SYNE2: variants seen among roughly 807,000 people sequenced by gnomAD.
SYNE2 encodes nesprin-2.
A neutral mutation model predicts 856.3 loss-of-function variants in SYNE2; 431 were observed. The ratio of observed to expected loss-of-function variants is 0.50; its 90% CI spans 0.47 to 0.55. The LOEUF is 0.55. SYNE2 is among the 20% of genes least tolerant of loss of function. The pLI is 0.00. For missense variants in SYNE2, 8,129 were observed against 8,023.2 expected, an observed-to-expected ratio of 1.01 and a Z score of -0.50; for synonymous variants, 2,923 against 2,872.3, an observed-to-expected ratio of 1.02 and a Z score of -0.56.
intron 112 of SYNE2, among the ~76,000 whole-genome samples, chr14:64,222,908 T>G (rs1424600722): frequency 6.6e-6 from 1 of 152,200 alleles, no homozygotes; most frequent in Non-Finnish European, 1.5e-5. Context: ...GGACCTGGTC[T>G]TCCCACACCA....
chr14:63,778,660 A>G (rs1435122673), intron 1 of SYNE2, among the ~76,000 whole-genome samples: 7 of 152,108 alleles, frequency 4.6e-5, no homozygotes, highest in Non-Finnish European at 5.9e-5. Context: ...GACTACAGGC[A>G]TGCACCACCA....
chr14:63,918,770 C>A (rs992113839), intron 2 of SYNE2, among the ~76,000 whole-genome samples: 1 of 152,184 alleles, frequency 6.6e-6, no homozygotes, highest in Admixed American at 6.5e-5. Context: ...ATCTTTACTG[C>A]ACAATTTCAT....
At chr14:64,060,685 A>G (rs1434838352) in intron 49 of SYNE2, among the ~76,000 whole-genome samples, 2 of 151,612 alleles carry the variant, frequency 1.3e-5, no homozygotes, top group Non-Finnish European at 1.5e-5. Context: ...CAACAAGTCC[A>G]CTGGCTCTGA....
At chr14:63,911,196 T>G (rs1335524638) in intron 2 of SYNE2, among the ~76,000 whole-genome samples, 1 of 152,108 alleles carries the variant, frequency 6.6e-6, no homozygotes, top group East Asian at 1.9e-4. Flanking sequence ...TCAGATTGTT[T>G]CCCTTGTAGC....
intron 1 of SYNE2, among the ~76,000 whole-genome samples, chr14:63,810,014 G>C (rs968482952): frequency 1.3e-5 from 2 of 152,026 alleles, no homozygotes; most frequent in African/African-American, 4.8e-5. Flanking sequence ...CTTAAGGCCA[G>C]GGTTCAAAAT....
intron 1 of SYNE2, among the ~76,000 whole-genome samples, chr14:63,880,307 G>T (rs1595394352): frequency 6.6e-6 from 1 of 152,206 alleles, no homozygotes; most frequent in Admixed American, 6.5e-5. Context: ...GGCCAGGGTG[G>T]TCTTGAACTC....
chr14:64,127,250 G>A (rs2153673348), intron 73 of SYNE2, among the ~76,000 whole-genome samples: 1 of 151,284 alleles, frequency 6.6e-6, no homozygotes, highest in Non-Finnish European at 1.5e-5. Context: ...GGCAGAGCAA[G>A]ACTCCATCTC....
chr14:63,769,540 C>T (rs1191845113), intron 1 of SYNE2, among the ~76,000 whole-genome samples: 1 of 151,866 alleles, frequency 6.6e-6, no homozygotes, highest in Admixed American at 6.6e-5. Flanking sequence ...TGGTGGCGGG[C>T]GCCGGTAGTC....
chr14:64,167,181 C>T, intron 90 of SYNE2, 52 bp from the exon 91 acceptor site: 1 of 1,611,834 alleles, frequency 6.2e-7, no homozygotes, highest in African/African-American at 1.3e-5. Context: ...TTTTTGTCAT[C>T]TAGATATCTT....
intron 60 of SYNE2, among the ~76,000 whole-genome samples, chr14:64,091,546 T>A (rs2097614553): frequency 6.6e-6 from 1 of 152,240 alleles, no homozygotes. Context: ...GGTTAATTTA[T>A]GTACACATGG....
chr14:64,000,368 T>C (rs2096744418), intron 27 of SYNE2, among the ~76,000 whole-genome samples, 194 bp from the exon 28 acceptor site: 1 of 152,250 alleles, frequency 6.6e-6, no homozygotes, highest in South Asian at 2.1e-4. Context: ...ATGGGTCCTC[T>C]GAGAGCACAG....
At chr14:64,156,516 T>C (rs2098287160) in intron 85 of SYNE2, among the ~76,000 whole-genome samples, 1 of 151,758 alleles carries the variant, frequency 6.6e-6, no homozygotes, top group Non-Finnish European at 1.5e-5. Flanking sequence ...TGGAGGGCAG[T>C]GGCATGATCT....
chr14:64,088,111 A>G (rs996161131), intron 58 of SYNE2, among the ~76,000 whole-genome samples: 51 of 152,156 alleles, frequency 3.4e-4, no homozygotes, highest in South Asian at 2.1e-3. Context: ...TGAACCTGGG[A>G]GGCAGAGGTT....
At chr14:63,851,975 CGG>C (rs113075796), upstream of SYNE2, among the ~76,000 whole-genome samples, 51 of 23,590 alleles carry the variant, frequency 2.2e-3, 2 homozygotes, top group African/African-American at 8.9e-3. Flanking sequence ...AGCTACTAAG[CGG>C]GGGGGGGGGG....
chr14:64,203,367 T>C lies in SYNE2; in HGVS notation c.18201+404T>C, dbSNP rs1156575683. On this transcript the variant is annotated intron_variant, in intron 100 of 115. Coordinates refer to ENST00000555002, the MANE Select transcript of SYNE2 (RefSeq NM_182914.3). Reference sequence around the variant, plus strand: ...TTCTGTGTGTCTGGTACAGCTTTTTTAAAAAATTAAAACAAGAAAAGGTGT... The same window carrying C: ...TTCTGTGTGTCTGGTACAGCTTTTTCAAAAAATTAAAACAAGAAAAGGTGT... Among the ~76,000 whole-genome samples the C allele has an allele frequency of 2.0e-5, 3 of 152,224 alleles. No individual in the cohort carries two copies. In the East Asian group the frequency reaches 5.8e-4, roughly 29 times the overall value.
intron 1 of SYNE2, among the ~76,000 whole-genome samples, chr14:63,816,903 G>T (rs1442174231): frequency 6.6e-6 from 1 of 151,908 alleles, no homozygotes; most frequent in Non-Finnish European, 1.5e-5. Flanking sequence ...ATTATTTTAA[G>T]AAACAGGGTC....
intron 1 of SYNE2, among the ~76,000 whole-genome samples, chr14:63,783,453 C>A (rs1887397042): frequency 6.6e-6 from 1 of 152,156 alleles, no homozygotes; most frequent in Admixed American, 6.6e-5. Flanking sequence ...TCTTGGCTCA[C>A]TGCAACCTCC....
intron 65 of SYNE2, among the ~76,000 whole-genome samples, chr14:64,112,742 C>T (rs1292737955): frequency 6.6e-6 from 1 of 152,140 alleles, no homozygotes; most frequent in Non-Finnish European, 1.5e-5. Context: ...CAGGTTACCC[C>T]ACTGAAGTTC....
rs781455104 is a variant in SYNE2, at chr14:64,070,621, A to C, written c.10432-24A>C. On this transcript the variant is annotated intron_variant, in intron 51 of 115. Coordinates refer to ENST00000555002, the MANE Select transcript of SYNE2 (RefSeq NM_182914.3). ...TGTAATTGTATATTTTACTTATTTT[A>C]GTTCTTTTTGTTTTTTGAATTAGAT... 13 of 1,593,332 alleles carry C rather than the reference A, an allele frequency of 8.2e-6. No homozygotes were observed. The African/African-American group carries it at 1.8e-4, about 21-fold the overall frequency.
Sources: allele counts gnomAD v4.1 joint callset (sites outside exome capture counted in the v4.1 genomes callset), GRCh38; gene constraint gnomAD v4.1.1; transcripts MANE v1.5; gene names NCBI Gene and HGNC (gene_info 2026-07-23, HGNC 2026-07-21).